The following CLIP2 variants were observed in gnomAD, a reference collection of about 807,000 sequenced individuals.
The protein encoded by CLIP2 is CAP-Gly domain containing linker protein 2.
CLIP2 carries 41 observed loss-of-function variants against 111.7 expected under a neutral mutation model. That is an observed-to-expected ratio of 0.37 (90% CI 0.29 to 0.48). The LOEUF is 0.48. CLIP2 is among the 20% of genes least tolerant of loss of function. The pLI is 0.99. For synonymous variants in CLIP2, 660 were observed against 644.2 expected, an observed-to-expected ratio of 1.02 and a Z score of -0.37; for missense variants, 1,160 against 1,422.1, an observed-to-expected ratio of 0.82 and a Z score of 2.96.
At chr7:74,322,559 G>C (rs1788991130) in intron 2 of CLIP2, among the ~76,000 whole-genome samples, 1 of 152,040 alleles carries the variant, frequency 6.6e-6, no homozygotes, top group African/African-American at 2.4e-5. Flanking sequence ...CTGGGCAACA[G>C]AGTGAGACTC....
intron 1 of CLIP2, among the ~76,000 whole-genome samples, chr7:74,296,038 A>G (rs1465663962): frequency 6.6e-6 from 1 of 151,932 alleles, no homozygotes; most frequent in Non-Finnish European, 1.5e-5. Flanking sequence ...TCAAGTTCAA[A>G]TGAGGTCATT....
At chr7:74,296,360 A>AT (rs1290496301) in intron 1 of CLIP2, among the ~76,000 whole-genome samples, 3 of 151,886 alleles carry the variant, frequency 2.0e-5, no homozygotes, top group Admixed American at 1.3e-4. Flanking sequence ...AAATACAAAA[A>AT]TTAGCCAGAT....
At chr7:74,365,000 T>C (rs1554310551) in intron 8 of CLIP2, 1 of 60,606 alleles carries the variant, frequency 1.7e-5, no homozygotes, top group African/African-American at 9.7e-5. Flanking sequence ...TTGTTGTGTG[T>C]GTGTGTGTGT....
chr7:74,305,854 A>AT (rs1554727659), intron 1 of CLIP2, among the ~76,000 whole-genome samples: 1 of 54,534 alleles, frequency 1.8e-5, no homozygotes, highest in Non-Finnish European at 3.2e-5. Context: ...CCTGCACCCC[A>AT]ACCCCCCCCC....
rs782008375 is a variant in CLIP2, at chr7:74,389,129, G to A, written c.2590G>A (p.Glu864Lys). 1.9e-6 allele frequency: 3 copies of A among 1,612,930 alleles called. No homozygotes were observed. The highest frequency in any genetic ancestry group is 2.5e-6 in the Non-Finnish European group (3 of 1,179,698). Reference protein sequence around the residue: ...SALESKCKSGEKKVDALLKEK... With the variant: ...SALESKCKSGKKKVDALLKEK... Reference sequence around the variant, plus strand: ...GCTGGAGAGCAAGTGTAAGTCAGGCGAGAAGAAGGTGGACGCCCTCCTGAA... The same window carrying A: ...GCTGGAGAGCAAGTGTAAGTCAGGCAAGAAGAAGGTGGACGCCCTCCTGAA... Residue 864 changes from glutamate to lysine, a missense_variant, in exon 13 of 17, where the codon GAG becomes AAG. Coordinates refer to ENST00000223398, the MANE Select transcript of CLIP2 (RefSeq NM_003388.5).
At chr7:74,332,223 G>A (rs570236) in intron 2 of CLIP2, among the ~76,000 whole-genome samples, 93,061 of 151,682 alleles carry the variant, frequency 0.61, 30,506 homozygotes, top group Middle Eastern at 0.74. Flanking sequence ...ACAGGTGCCC[G>A]CCACCATGCC....
chr7:74,381,469 G>C, intron 11 of CLIP2: 3 of 375,352 alleles, frequency 8.0e-6, no homozygotes, highest in South Asian at 4.1e-5. Flanking sequence ...TTACAGGCAT[G>C]AGCCACCGTG....
intron 3 of CLIP2, among the ~76,000 whole-genome samples, chr7:74,340,261 T>C (rs1376677568): frequency 6.6e-6 from 1 of 152,116 alleles, no homozygotes; most frequent in African/African-American, 2.4e-5. Context: ...CTGGCTGTGA[T>C]GGCGTGTGCC....
At chr7:74,373,518 T>C (rs544698689) in intron 9 of CLIP2, among the ~76,000 whole-genome samples, 2 of 151,768 alleles carry the variant, frequency 1.3e-5, no homozygotes, top group Non-Finnish European at 1.5e-5. Flanking sequence ...CAAAAAGAAA[T>C]GTGCTTATGT....
chr7:74,363,282 G>T (rs1346134615), intron 7 of CLIP2, among the ~76,000 whole-genome samples: 1 of 152,180 alleles, frequency 6.6e-6, no homozygotes, highest in Non-Finnish European at 1.5e-5. Flanking sequence ...GATTACGGGC[G>T]TGAGCCACTG....
At chr7:74,339,082 C>T in intron 3 of CLIP2, 78 bp downstream of exon 3, 1 of 1,420,112 alleles carries the variant, frequency 7.0e-7, no homozygotes, top group Non-Finnish European at 9.5e-7. Flanking sequence ...GAAGCTGGAC[C>T]CCCCTGGGCT....
At chr7:74,377,132 A>G (rs959599502) in intron 10 of CLIP2, among the ~76,000 whole-genome samples, 1 of 151,990 alleles carries the variant, frequency 6.6e-6, no homozygotes, top group Non-Finnish European at 1.5e-5. Flanking sequence ...TTACCCATAC[A>G]TGTCTTAGGG....
At chr7:74,371,043 T>G (rs1447183656) in intron 8 of CLIP2, among the ~76,000 whole-genome samples, 1 of 151,618 alleles carries the variant, frequency 6.6e-6, no homozygotes, top group African/African-American at 2.4e-5. Flanking sequence ...AGGTCAGAGG[T>G]TCAAGACCAG....
chr7:74,397,254 C>G, intron 14 of CLIP2, 21 bp downstream of exon 14: 1 of 1,607,060 alleles, frequency 6.2e-7, no homozygotes. Context: ...TAGGGGTGGC[C>G]TAGGGGCAGG....
At chr7:74,370,155 CAAAAA>C (rs536133070) in intron 8 of CLIP2, among the ~76,000 whole-genome samples, 4 of 32,900 alleles carry the variant, frequency 1.2e-4, no homozygotes, top group South Asian at 1.2e-3. Context: ...GACTCTGCCT[CAAAAA>C]AAAAAAAAAA....
Position 74,391,204 on chromosome 7 carries a change from G to C in CLIP2, c.2720+1945G>C, listed in dbSNP as rs140101512. ...TTCCATCTTTGCAATTTGCTCTTTT[G>C]GTTGAACTATGTTCTAAAAATCTGA... is the stretch of plus-strand genomic sequence containing the variant. On this transcript the variant is annotated intron_variant, in intron 13 of 16. Transcript: ENST00000223398. Among the ~76,000 whole-genome samples the C allele has an allele frequency of 7.7e-3, 1,179 of 152,144 alleles. 17 individuals carry two copies. The highest frequency in any genetic ancestry group is 0.026 in the African/African-American group (1,059 of 41,528).
intron 8 of CLIP2, among the ~76,000 whole-genome samples, chr7:74,365,081 G>A (rs1300246473): frequency 2.0e-5 from 3 of 148,502 alleles, no homozygotes; most frequent in Non-Finnish European, 3.0e-5. Context: ...TGGATGTTGG[G>A]GCACAACCCA....
At chr7:74,331,320 G>A (rs919266561) in intron 2 of CLIP2, among the ~76,000 whole-genome samples, 19 of 151,488 alleles carry the variant, frequency 1.3e-4, no homozygotes, top group African/African-American at 4.6e-4. Context: ...CTGGGGGAAG[G>A]ATGAGCCAGT....
At chr7:74,307,560 G>A (rs998496647) in intron 1 of CLIP2, among the ~76,000 whole-genome samples, 5 of 152,044 alleles carry the variant, frequency 3.3e-5, no homozygotes, top group African/African-American at 9.7e-5. Context: ...GCACCATCTC[G>A]GCTCACCACA....
Sources: gnomAD v4.1 joint callset for allele counts (sites outside exome capture counted in the v4.1 genomes callset) on GRCh38, gnomAD v4.1.1 for gene constraint, MANE v1.5 for transcripts, NCBI Gene and HGNC (gene_info 2026-07-23, HGNC 2026-07-21) for gene names.